The following OXSR1 variants were observed in gnomAD, a reference collection of about 807,000 sequenced individuals.
OXSR1 encodes the protein serine/threonine-protein kinase OSR1.
OXSR1 carries 24 observed loss-of-function variants against 79.8 expected under a neutral mutation model. The ratio of observed to expected loss-of-function variants is 0.30; its 90% CI spans 0.22 to 0.42. The LOEUF is 0.42. Ranked by LOEUF, OXSR1 falls within the 10% of genes least tolerant of loss-of-function variation. The pLI, the probability that OXSR1 is intolerant of heterozygous loss-of-function variation, is 1.00. For missense variants in OXSR1, 430 were observed against 618.4 expected (o/e 0.70, Z 3.23); for synonymous variants, 226 against 209.2 (o/e 1.08, Z -0.69).
chr3:38,196,959 T>G (rs1702081509), intron 3 of OXSR1, among the ~76,000 whole-genome samples: 1 of 152,230 alleles, frequency 6.6e-6, no homozygotes, highest in South Asian at 2.1e-4. Flanking sequence ...TTACGATAAT[T>G]TTAGGTATTA....
At chr3:38,175,249 T>A (rs1188257663) in intron 1 of OXSR1, among the ~76,000 whole-genome samples, 14 of 152,206 alleles carry the variant, frequency 9.2e-5, no homozygotes, top group Non-Finnish European at 2.1e-4. Flanking sequence ...TTGATTTGAT[T>A]CATTTAATTC....
chr3:38,208,711 G>C (rs1369831299), intron 4 of OXSR1, among the ~76,000 whole-genome samples: 3 of 152,058 alleles, frequency 2.0e-5, no homozygotes, highest in Non-Finnish European at 2.9e-5. Flanking sequence ...GACCATCCTG[G>C]CTAACATGGT....
intron 1 of OXSR1, among the ~76,000 whole-genome samples, chr3:38,172,809 G>A (rs1342376492): frequency 1.3e-5 from 2 of 152,140 alleles, no homozygotes; most frequent in Non-Finnish European, 2.9e-5. Context: ...CTGCATGTGG[G>A]GAAAATGGAA....
chr3:38,191,106 G>A (rs990664074), intron 3 of OXSR1, among the ~76,000 whole-genome samples: 7 of 152,132 alleles, frequency 4.6e-5, no homozygotes, highest in African/African-American at 1.7e-4. Context: ...GTGCAGTGGT[G>A]CAATCATAGC....
chr3:38,183,846 A>G (rs2125809412), intron 2 of OXSR1, among the ~76,000 whole-genome samples: 1 of 152,358 alleles, frequency 6.6e-6, no homozygotes, highest in African/African-American at 2.4e-5. Context: ...TTTTAAGTAT[A>G]TAGTAAGTGC....
chr3:38,237,316 T>C (rs1702939753), intron 11 of OXSR1, among the ~76,000 whole-genome samples: 1 of 152,184 alleles, frequency 6.6e-6, no homozygotes, highest in Non-Finnish European at 1.5e-5. Flanking sequence ...CTGTTATCCT[T>C]CTACTAAGGA....
chr3:38,217,866 C>A (rs921371241), intron 5 of OXSR1, among the ~76,000 whole-genome samples: 2 of 152,138 alleles, frequency 1.3e-5, no homozygotes, highest in Non-Finnish European at 2.9e-5. Flanking sequence ...TGAACTCATA[C>A]AATATTTGTC....
intron 12 of OXSR1, among the ~76,000 whole-genome samples, chr3:38,245,034 T>A (rs1703112581): frequency 6.6e-6 from 1 of 152,176 alleles, no homozygotes; most frequent in Non-Finnish European, 1.5e-5. Flanking sequence ...GAAATAGTAT[T>A]AATAATTAAC....
chr3:38,207,477 G>C (rs1470507422), intron 4 of OXSR1, among the ~76,000 whole-genome samples: 3 of 152,162 alleles, frequency 2.0e-5, no homozygotes, highest in Admixed American at 2.0e-4. Context: ...TAGAGGTTAT[G>C]CCATTTCCTA....
chr3:38,168,997 G>A (rs1701522504), intron 1 of OXSR1, among the ~76,000 whole-genome samples: 1 of 152,200 alleles, frequency 6.6e-6, no homozygotes, highest in African/African-American at 2.4e-5. Context: ...GAATTGCTGG[G>A]TTATATCACA....
At chr3:38,189,391 T>C (rs1701943008) in intron 2 of OXSR1, among the ~76,000 whole-genome samples, 1 of 152,242 alleles carries the variant, frequency 6.6e-6, no homozygotes, top group African/African-American at 2.4e-5. Context: ...AGGTGCTTAC[T>C]TTAGTTCTTT....
intron 1 of OXSR1, among the ~76,000 whole-genome samples, chr3:38,172,474 C>T (rs1162060528): frequency 3.3e-5 from 5 of 152,170 alleles, no homozygotes; most frequent in African/African-American, 1.2e-4. Context: ...AAACTTAATA[C>T]TAGGTTTAAG....
intron 1 of OXSR1, among the ~76,000 whole-genome samples, chr3:38,176,903 C>G (rs953240810): frequency 6.6e-6 from 1 of 152,262 alleles, no homozygotes; most frequent in East Asian, 1.9e-4. Context: ...ACATTTTTAA[C>G]CCCAGCATGG....
intron 5 of OXSR1, among the ~76,000 whole-genome samples, chr3:38,219,779 A>AGATGATGATGATGAT (rs3058799): frequency 1.3e-4 from 20 of 148,250 alleles, no homozygotes; most frequent in Non-Finnish European, 2.2e-4. Context: ...AAAACTGTTA[A>AGATGATGATGATGAT]GATGATGATG....
At position 38,165,770 on chromosome 3, in the gene OXSR1, G is replaced by A. The variant is rs1423303297; in HGVS notation, c.-107G>A. Reference sequence around the variant, plus strand: ...CGTGGCTGTTCCGAGACGATTGGTGGGGGCGCGGCGGCGGCGGCGGCGGCT... The same window carrying A: ...CGTGGCTGTTCCGAGACGATTGGTGAGGGCGCGGCGGCGGCGGCGGCGGCT... On this transcript the variant is annotated 5_prime_UTR_variant, in exon 1 of 18. Coordinates refer to ENST00000311806, the MANE Select transcript of OXSR1 (RefSeq NM_005109.3). 4 of 1,000,192 alleles carry A rather than the reference G, an allele frequency of 4.0e-6. No individual in the cohort carries two copies. The highest frequency in any genetic ancestry group is 2.9e-5 in the South Asian group (2 of 68,876). 62.0% of individuals were successfully genotyped at this position (1,000,192 alleles called of 1,614,324 possible). A position where few individuals can be genotyped will look rare whatever the true frequency, so the allele number is the denominator to read the frequency against.
At chr3:38,210,845 A>C (rs1003898115) in intron 4 of OXSR1, among the ~76,000 whole-genome samples, 10 of 152,316 alleles carry the variant, frequency 6.6e-5, no homozygotes, top group African/African-American at 2.4e-4. Context: ...AGCTCATTAC[A>C]TATTGAACTG....
intron 1 of OXSR1, among the ~76,000 whole-genome samples, chr3:38,179,220 G>C (rs1701735569): frequency 6.6e-6 from 1 of 151,946 alleles, no homozygotes. Context: ...TGTAGGGACG[G>C]AGTCCCACTA....
chr3:38,216,237 C>A, intron 5 of OXSR1, 86 bp downstream of exon 5: 1 of 843,318 alleles, frequency 1.2e-6, no homozygotes, highest in Non-Finnish European at 1.9e-6. Context: ...TCAGCATTCT[C>A]TCCTGTTCCC....
intron 5 of OXSR1, 128 bp from the exon 6 acceptor site, chr3:38,221,450 C>T (rs1306553882): frequency 8.8e-6 from 5 of 565,080 alleles, no homozygotes; most frequent in Non-Finnish European, 1.6e-5. Context: ...TCAAGAAGTT[C>T]AGCAAAAAGA....
Sources: gnomAD v4.1 joint callset for allele counts (sites outside exome capture counted in the v4.1 genomes callset) on GRCh38, gnomAD v4.1.1 for gene constraint, MANE v1.5 for transcripts, NCBI Gene and HGNC (gene_info 2026-07-23, HGNC 2026-07-21) for gene names.